VPS41: variants seen among roughly 807,000 people sequenced by gnomAD.
VPS41 encodes the protein vacuolar protein sorting-associated protein 41 homolog.
In VPS41, 85 loss-of-function variants were observed where a neutral mutation model predicts 130.9. That is an observed-to-expected ratio of 0.65 (90% CI 0.55 to 0.78). VPS41 has a LOEUF of 0.78. Ranked by LOEUF, VPS41 falls within the 30% of genes least tolerant of loss-of-function variation. The pLI is 0.00. For synonymous variants in VPS41, 335 were observed against 332.9 expected, an observed-to-expected ratio of 1.01 and a Z score of -0.07; for missense variants, 874 against 1,018.7, an observed-to-expected ratio of 0.86 and a Z score of 1.93.
chr7:38,865,447 C>A (rs188215664), intron 3 of VPS41, among the ~76,000 whole-genome samples: 34 of 150,952 alleles, frequency 2.3e-4, no homozygotes, highest in Non-Finnish European at 4.4e-5. Context: ...AAAAAAAACA[C>A]TCTATAATAC....
intron 17 of VPS41, among the ~76,000 whole-genome samples, chr7:38,760,708 C>G (rs980665205): frequency 6.6e-6 from 1 of 151,986 alleles, no homozygotes; most frequent in African/African-American, 2.4e-5. Context: ...CTAACCTTGG[C>G]AAAATAAACC....
chr7:38,768,161 A>G (rs1784084623), intron 14 of VPS41, among the ~76,000 whole-genome samples: 2 of 152,352 alleles, frequency 1.3e-5, no homozygotes, highest in South Asian at 4.1e-4. Context: ...GACTGGCTTC[A>G]GAGTATTCAT....
At chr7:38,748,228 C>T (rs1434564320) in intron 22 of VPS41, among the ~76,000 whole-genome samples, 1 of 152,074 alleles carries the variant, frequency 6.6e-6, no homozygotes. Flanking sequence ...CGCGTGCGCG[C>T]ACACACACGC....
intron 25 of VPS41, among the ~76,000 whole-genome samples, chr7:38,732,022 G>C (rs1292558370): frequency 6.6e-6 from 1 of 152,066 alleles, no homozygotes. Context: ...CATAGATCTG[G>C]TCAACAAGAT....
At chr7:38,747,780 G>T (rs1554287258) in intron 22 of VPS41, among the ~76,000 whole-genome samples, 1 of 152,324 alleles carries the variant, frequency 6.6e-6, no homozygotes, top group Non-Finnish European at 1.5e-5. Context: ...CATGTGGTTG[G>T]TGGCTACTAT....
chr7:38,869,394 T>G, intron 2 of VPS41, 141 bp from the exon 3 acceptor site: 1 of 587,652 alleles, frequency 1.7e-6, no homozygotes, highest in Non-Finnish European at 3.0e-6. Context: ...GGTTAAAATC[T>G]TCATATTTCA....
At chr7:38,777,079 C>T (rs1337934482) in intron 10 of VPS41, among the ~76,000 whole-genome samples, 3 of 152,136 alleles carry the variant, frequency 2.0e-5, no homozygotes, top group Non-Finnish European at 2.9e-5. Flanking sequence ...ATGACATAGA[C>T]TACATGAAGA....
intron 2 of VPS41, among the ~76,000 whole-genome samples, chr7:38,884,513 A>AT (rs1188786739): frequency 1.3e-5 from 2 of 151,806 alleles, no homozygotes; most frequent in South Asian, 2.1e-4. Context: ...AGGTAACACA[A>AT]TTTTTTTTTA....
At chr7:38,869,533 G>C (rs1786302545) in intron 2 of VPS41, among the ~76,000 whole-genome samples, 2 of 152,076 alleles carry the variant, frequency 1.3e-5, no homozygotes, top group African/African-American at 4.8e-5. Flanking sequence ...ATTTGGTACG[G>C]CTTCATAAAC....
At position 38,776,664 on chromosome 7, in the gene VPS41, G is replaced by A. The variant is rs751366263; in HGVS notation, c.882+15C>T. On this transcript the variant is annotated intron_variant, in intron 11 of 28. Transcript: ENST00000310301. ...AACCCCCACATGCCTTTGTATCTGG[G>A]GAGAAAATAATTACCGTTTTTTCTG... The A allele has an allele frequency of 1.1e-5, 17 of 1,493,934 alleles. 1 individual carries two copies. The highest frequency in any genetic ancestry group is 1.6e-5 in the Non-Finnish European group (17 of 1,071,308). The allele number at this position is 1,493,934 out of a possible 1,614,324, so 92.5% of individuals were successfully genotyped here.
chr7:38,893,084 T>A (rs532164140), intron 2 of VPS41, among the ~76,000 whole-genome samples: 2 of 152,208 alleles, frequency 1.3e-5, no homozygotes, highest in Non-Finnish European at 2.9e-5. Flanking sequence ...CTCTCAACAA[T>A]CAAACTTTTG....
intron 7 of VPS41, among the ~76,000 whole-genome samples, chr7:38,801,517 G>C (rs1436693081): frequency 6.6e-6 from 1 of 152,076 alleles, no homozygotes; most frequent in Admixed American, 6.6e-5. Flanking sequence ...AACATACTAA[G>C]GAAATACTAA....
intron 6 of VPS41, among the ~76,000 whole-genome samples, chr7:38,820,940 TGCGTGC>T (rs1785157548): frequency 1.3e-5 from 2 of 151,468 alleles, no homozygotes; most frequent in Admixed American, 6.6e-5. Context: ...TGTGTGTGTG[TGCGTGC>T]GTGTGTGTGT....
chr7:38,737,135 G>C (rs2115598394), intron 25 of VPS41, among the ~76,000 whole-genome samples: 1 of 152,274 alleles, frequency 6.6e-6, no homozygotes, highest in East Asian at 1.9e-4. Flanking sequence ...CAGCACTTTG[G>C]GAGGCCGAGG....
intron 2 of VPS41, among the ~76,000 whole-genome samples, chr7:38,874,193 TGAA>T (rs3056369): frequency 0.056 from 8,458 of 152,258 alleles, 283 homozygotes; most frequent in Middle Eastern, 0.11. Flanking sequence ...ACAGGCCAAA[TGAA>T]GACTTGAATT....
intron 1 of VPS41, among the ~76,000 whole-genome samples, chr7:38,908,813 C>A (rs1787324584): frequency 6.6e-6 from 1 of 152,196 alleles, no homozygotes; most frequent in Non-Finnish European, 1.5e-5. Context: ...ATTTCAGTCA[C>A]CCGGCCTCTC....
At chr7:38,781,386 G>C (rs139984532) in intron 10 of VPS41, among the ~76,000 whole-genome samples, 4 of 152,186 alleles carry the variant, frequency 2.6e-5, no homozygotes, top group African/African-American at 7.2e-5. Flanking sequence ...CAAGTTTTTC[G>C]CTTTAAAGTC....
intron 25 of VPS41, 105 bp from the exon 26 acceptor site, chr7:38,728,896 T>G: frequency 2.1e-6 from 2 of 974,670 alleles, no homozygotes; most frequent in South Asian, 3.1e-5. Context: ...CTTGAAATAC[T>G]CAAAAGGGGC....
At position 38,908,621 on chromosome 7, in the gene VPS41, G is replaced by A. The variant is rs552404595; in HGVS notation, c.21+533C>T. On this transcript the variant is annotated intron_variant, in intron 1 of 28. Coordinates refer to ENST00000310301, the MANE Select transcript of VPS41 (RefSeq NM_014396.4). ...ATAAGTAGCTCAAAGTAGCACATTG[G>A]GTAAGAAAAGGAACCAGCACTTGGA... 7.9e-5 allele frequency among the ~76,000 whole-genome samples: 12 copies of A among 152,230 alleles called. No individual in the cohort carries two copies. In the South Asian group the frequency reaches 2.5e-3, roughly 32 times the overall value.
Sources: allele counts gnomAD v4.1 joint callset (sites outside exome capture counted in the v4.1 genomes callset), GRCh38; gene constraint gnomAD v4.1.1; transcripts MANE v1.5; gene names NCBI Gene and HGNC (gene_info 2026-07-23, HGNC 2026-07-21).